TRPC5: variants seen among roughly 807,000 people sequenced by gnomAD.
The protein encoded by TRPC5 is transient receptor potential cation channel subfamily C member 5.
TRPC5 carries 9 observed loss-of-function variants against 56.5 expected under a neutral mutation model. That is an observed-to-expected ratio of 0.16 (90% CI 0.10 to 0.28). The LOEUF (loss-of-function observed/expected upper bound fraction) is 0.28. Ranked by LOEUF, TRPC5 falls within the 10% of genes least tolerant of loss-of-function variation. The probability of loss-of-function intolerance (pLI) is 1.00; values close to 1 mark genes in which losing one functional copy is unlikely to be tolerated. For synonymous variants in TRPC5, 282 were observed against 278.5 expected (o/e 1.01, Z -0.13); for missense variants, 469 against 748.9 (o/e 0.63, Z 4.36).
intron 4 of TRPC5, 69 bp downstream of exon 4, chrX:111,853,701 T>C (rs1296142034): frequency 3.9e-5 from 42 of 1,069,619 alleles, no homozygotes; most frequent in Non-Finnish European, 5.4e-5. Flanking sequence ...TCTGACTGCC[T>C]GTTCTAGTAG....
At chrX:112,046,343 A>G (rs1210578179) in intron 1 of TRPC5, among the ~76,000 whole-genome samples, 1 of 109,763 alleles carries the variant, frequency 9.1e-6, no homozygotes, top group African/African-American at 3.3e-5. Context: ...AGTGGAAGGA[A>G]AAATTCTGAA....
rs1223807230 is a variant in TRPC5 at position 111,847,279 on chromosome X, C to T, written c.1535G>A (p.Arg512His). 3.3e-6 allele frequency: 4 copies of T among 1,208,845 alleles called. No individual in the cohort carries two copies. The change falls in exon 6 of 11, where the codon CGC becomes CAC. Residue 512 changes from arginine (R) to histidine (H), a missense_variant. Physicochemically the swap from Arg to His is conservative, Grantham distance 29. Coordinates refer to ENST00000262839, the MANE Select transcript of TRPC5 (RefSeq NM_012471.3). ...HLGPLQISLG[R>H]MLLDILKFLF... ...GAATTTGAGGATATCAAGCAGCATG[C>T]GTCCCAAAGAGATCTGCAGAGGTCC...
intron 3 of TRPC5, among the ~76,000 whole-genome samples, chrX:111,877,614 A>T (rs1413243188): frequency 9.0e-6 from 1 of 111,539 alleles, no homozygotes; most frequent in South Asian, 3.8e-4. Flanking sequence ...GGAGTTGCCT[A>T]TATAGAGATG....
chrX:111,890,573 A>T (rs1289387894), intron 3 of TRPC5, among the ~76,000 whole-genome samples: 1 of 111,583 alleles, frequency 9.0e-6, no homozygotes, highest in Non-Finnish European at 1.9e-5. Context: ...CCAAGAGACA[A>T]ACATTGTGTT....
At chrX:111,934,670 A>G (rs77750774) in intron 2 of TRPC5, among the ~76,000 whole-genome samples, 1 of 111,028 alleles carries the variant, frequency 9.0e-6, no homozygotes, top group Non-Finnish European at 1.9e-5. Context: ...ATCTCCATGA[A>G]TTCAATCGTT....
At chrX:111,940,417 G>A (rs959025049) in intron 2 of TRPC5, among the ~76,000 whole-genome samples, 7 of 111,476 alleles carry the variant, frequency 6.3e-5, no homozygotes, top group East Asian at 2.8e-4. Flanking sequence ...CCGGCCAGGC[G>A]CGGTGGCTCA....
intron 2 of TRPC5, among the ~76,000 whole-genome samples, chrX:111,932,595 C>A (rs966857989): frequency 9.0e-6 from 1 of 111,258 alleles, no homozygotes; most frequent in African/African-American, 3.3e-5. Flanking sequence ...TTTCACCATA[C>A]TCTAGTCCTC....
chrX:112,016,647 C>T (rs972836137), intron 1 of TRPC5, among the ~76,000 whole-genome samples: 1 of 111,441 alleles, frequency 9.0e-6, no homozygotes, highest in Non-Finnish European at 1.9e-5. Flanking sequence ...AGGGCTCGGT[C>T]GAACTTGACC....
chrX:112,009,870 T>C (rs1341041270), intron 1 of TRPC5, among the ~76,000 whole-genome samples: 1 of 111,069 alleles, frequency 9.0e-6, no homozygotes, highest in African/African-American at 3.3e-5. Context: ...CAGGGAGGGA[T>C]AGCATTAGGA....
intron 7 of TRPC5, among the ~76,000 whole-genome samples, chrX:111,790,800 A>C (rs1032226504): frequency 9.1e-5 from 10 of 110,198 alleles, no homozygotes. Context: ...GCTGGGGATC[A>C]GTTGAGGCCA....
At chrX:111,984,695 G>A (rs997183542) in intron 1 of TRPC5, among the ~76,000 whole-genome samples, 2 of 111,894 alleles carry the variant, frequency 1.8e-5, no homozygotes, top group African/African-American at 6.5e-5. Context: ...GAATTAGTGT[G>A]ATAGCTCGTG....
At chrX:111,826,468 C>A (rs1001367338) in intron 7 of TRPC5, among the ~76,000 whole-genome samples, 1 of 112,217 alleles carries the variant, frequency 8.9e-6, no homozygotes, top group East Asian at 2.8e-4. Flanking sequence ...ACGTAGCAAC[C>A]CTTGATCAGA....
intron 6 of TRPC5, among the ~76,000 whole-genome samples, chrX:111,844,448 C>T (rs1489760549): frequency 1.9e-5 from 2 of 105,403 alleles, no homozygotes; most frequent in Admixed American, 1.0e-4. Flanking sequence ...TCTCTTTTTT[C>T]TTTCTTTCTT....
At position 111,964,920 on chromosome X, in the gene TRPC5, C is replaced by T. The variant is rs190115947; in HGVS notation, c.-21-12479G>A. 2.2e-4 allele frequency among the ~76,000 whole-genome samples: 25 copies of T among 111,794 alleles called. 1 individual carries two copies. The South Asian group carries it at 3.8e-3, about 17-fold the overall frequency. On this transcript the variant is annotated intron_variant, in intron 1 of 10. Transcript: ENST00000262839. ...GCTAGGAAGAAACTGCATCAACTAA[C>T]GAGCAAAATAACCCGCTAACATCAA... is the stretch of plus-strand genomic sequence containing the variant.
At chrX:111,777,875 C>T (rs1388077512) in intron 10 of TRPC5, among the ~76,000 whole-genome samples, 1 of 112,731 alleles carries the variant, frequency 8.9e-6, no homozygotes, top group Non-Finnish European at 1.9e-5. Context: ...CGTCCCTCCT[C>T]TCTGTGTTTC....
rs751628350 is a variant in TRPC5 at position 111,852,433 on chromosome X, G to T, written c.1242C>A (p.Phe414Leu). The change falls in exon 5 of 11, where the codon TTC (phenylalanine) becomes TTA (leucine). Residue 414 changes from phenylalanine (F) to leucine (L), a missense_variant. Around this residue, in one of 3 missense-constraint regions of TRPC5, gnomAD observed 157 missense variants for 360.0 expected, o/e 0.44. Transcript: ENST00000262839. Reference sequence around the variant, plus strand: ...ACATTTCCTTAATCTCACCCCAAATGAAACCTGAAGAATGGAGGAAAACAG... The same window carrying T: ...ACATTTCCTTAATCTCACCCCAAATTAAACCTGAAGAATGGAGGAAAACAG... ...EWMILPWVLG[F>L]IWGEIKEMWD... 8.3e-7 allele frequency: 1 copy of T among 1,203,714 alleles called. No individual in the cohort carries two copies. Among genetic ancestry groups the T allele is most frequent in the East Asian group, 3.0e-5 (1 of 33,492 alleles).
At chrX:112,074,773 C>T (rs991344666) in intron 1 of TRPC5, among the ~76,000 whole-genome samples, 2 of 112,165 alleles carry the variant, frequency 1.8e-5, no homozygotes, top group African/African-American at 6.5e-5. Flanking sequence ...TTTGCATTCC[C>T]AACAGTGCCT....
At chrX:111,803,758 TC>T (rs1921399406) in intron 7 of TRPC5, among the ~76,000 whole-genome samples, 1 of 112,070 alleles carries the variant, frequency 8.9e-6, no homozygotes, top group African/African-American at 3.3e-5. Context: ...TAGCCCTTTG[TC>T]AGATGGATAG....
At chrX:111,992,376 G>A (rs1042576771) in intron 1 of TRPC5, among the ~76,000 whole-genome samples, 3 of 111,348 alleles carry the variant, frequency 2.7e-5, no homozygotes, top group Non-Finnish European at 5.6e-5. Context: ...GCAGCTTTAA[G>A]CATTTGAAGA....
Sources: gnomAD v4.1 joint callset for allele counts (sites outside exome capture counted in the v4.1 genomes callset) on GRCh38, gnomAD v4.1.1 for gene constraint, gnomAD v4.1.1 regional missense constraint, MANE v1.5 for transcripts, NCBI Gene and HGNC (gene_info 2026-07-23, HGNC 2026-07-21) for gene names.